SPATA17: variants seen among roughly 807,000 people sequenced by gnomAD.
SPATA17 encodes the protein spermatogenesis associated 17.
A neutral mutation model predicts 62.2 loss-of-function variants in SPATA17; 53 were observed. That is an observed-to-expected ratio of 0.85 (90% CI 0.68 to 1.07). SPATA17 has a LOEUF of 1.07. Ranked by LOEUF, SPATA17 falls within the 50% of genes least tolerant of loss-of-function variation. The pLI is 0.00. For missense variants in SPATA17, 466 were observed against 425.5 expected, an observed-to-expected ratio of 1.10 and a Z score of -0.84; for synonymous variants, 146 against 146.8, an observed-to-expected ratio of 0.99 and a Z score of 0.04.
intron 5 of SPATA17, 82 bp downstream of exon 5, chr1:217,683,443 A>AT: frequency 2.1e-6 from 2 of 959,794 alleles, no homozygotes; most frequent in South Asian, 2.8e-5. Flanking sequence ...ATAGTTAGAA[A>AT]TATTTTTTTG....
At chr1:217,843,498 C>T (rs1675458483) in intron 9 of SPATA17, among the ~76,000 whole-genome samples, 1 of 151,962 alleles carries the variant, frequency 6.6e-6, no homozygotes. Context: ...TATCATGAAG[C>T]TTTATTTAAA....
intron 9 of SPATA17, among the ~76,000 whole-genome samples, chr1:217,830,517 C>CA (rs1384728944): frequency 3.9e-5 from 6 of 151,994 alleles, no homozygotes; most frequent in Non-Finnish European, 7.4e-5. Context: ...TGTTCCAGTG[C>CA]AAAAAATTAT....
At chr1:217,840,550 A>G (rs755018597) in intron 9 of SPATA17, among the ~76,000 whole-genome samples, 8 of 131,476 alleles carry the variant, frequency 6.1e-5, no homozygotes, top group Non-Finnish European at 1.2e-4. Flanking sequence ...TCAGCTTCTA[A>G]GATTTTATAA....
rs533164102 is a variant in SPATA17, at chr1:217,760,518, G to T, written c.520-13816G>T. Among the ~76,000 whole-genome samples, 16 of 152,182 alleles carry T rather than the reference G, an allele frequency of 1.1e-4. No individual in the cohort carries two copies. In the East Asian group the frequency reaches 2.9e-3, roughly 28 times the overall value. On this transcript the variant is annotated intron_variant, in intron 6 of 10. Coordinates refer to ENST00000366933, the MANE Select transcript of SPATA17 (RefSeq NM_138796.4). ...GTGTTCTGAAAATCTTTAACATCTGGATACAAGATTGTGGCCAGTCAGATA... is the reference window on the plus strand; with the variant it reads ...GTGTTCTGAAAATCTTTAACATCTGTATACAAGATTGTGGCCAGTCAGATA...
chr1:217,664,255 T>A (rs1377473594), intron 3 of SPATA17, among the ~76,000 whole-genome samples: 1 of 151,296 alleles, frequency 6.6e-6, no homozygotes, highest in Non-Finnish European at 1.5e-5. Flanking sequence ...GAAGTTCCAA[T>A]GAAGTGTAAG....
chr1:217,726,299 T>G (rs1215042577), intron 5 of SPATA17, among the ~76,000 whole-genome samples: 1 of 152,232 alleles, frequency 6.6e-6, no homozygotes, highest in Non-Finnish European at 1.5e-5. Flanking sequence ...TAAACTGGCT[T>G]TTGTTTCATC....
chr1:217,772,118 TA>T (rs151066714), intron 6 of SPATA17, among the ~76,000 whole-genome samples: 8,976 of 147,366 alleles, frequency 0.061, 333 homozygotes, highest in African/African-American at 0.11. Context: ...ATATAACATT[TA>T]TTTTTTTCTT....
intron 7 of SPATA17, among the ~76,000 whole-genome samples, chr1:217,779,025 A>G (rs1673668441): frequency 6.6e-6 from 1 of 151,990 alleles, no homozygotes; most frequent in African/African-American, 2.4e-5. Flanking sequence ...TAATGTATGG[A>G]TGATGTATAG....
At chr1:217,683,212 TA>T (rs755432590) in intron 4 of SPATA17, 45 bp from the exon 5 acceptor site, 19 of 1,348,352 alleles carry the variant, frequency 1.4e-5, no homozygotes, top group South Asian at 2.7e-5. Context: ...ACATTTTTAA[TA>T]AAAGTGTTTA....
At chr1:217,804,095 A>C (rs1347197375) in intron 9 of SPATA17, among the ~76,000 whole-genome samples, 1 of 152,194 alleles carries the variant, frequency 6.6e-6, no homozygotes, top group Non-Finnish European at 1.5e-5. Context: ...TGAACAGCCA[A>C]AGCAATCTTG....
At chr1:217,855,286 T>C (rs1372056669) in intron 9 of SPATA17, among the ~76,000 whole-genome samples, 1 of 152,204 alleles carries the variant, frequency 6.6e-6, no homozygotes, top group East Asian at 1.9e-4. Flanking sequence ...TTGACACATC[T>C]TTGTATATGA....
chr1:217,641,636 T>C (rs1022126378), intron 1 of SPATA17, among the ~76,000 whole-genome samples: 1 of 152,110 alleles, frequency 6.6e-6, no homozygotes, highest in Non-Finnish European at 1.5e-5. Context: ...TACACATATA[T>C]ATTTAAGTTA....
intron 8 of SPATA17, among the ~76,000 whole-genome samples, chr1:217,789,161 T>C (rs1166864604): frequency 2.0e-5 from 3 of 152,192 alleles, no homozygotes; most frequent in African/African-American, 7.2e-5. Context: ...TCAACAGCTG[T>C]CTCTACATCT....
At chr1:217,675,584 G>T (rs1670929068) in intron 4 of SPATA17, among the ~76,000 whole-genome samples, 1 of 152,166 alleles carries the variant, frequency 6.6e-6, no homozygotes, top group Non-Finnish European at 1.5e-5. Flanking sequence ...GCCATGTCAT[G>T]TATTGCCAAA....
At chr1:217,721,416 C>G (rs942734888) in intron 5 of SPATA17, among the ~76,000 whole-genome samples, 3 of 152,104 alleles carry the variant, frequency 2.0e-5, no homozygotes, top group Non-Finnish European at 2.9e-5. Context: ...CCTAGGAGTT[C>G]TGCTGGCATC....
chr1:217,813,480 C>A (rs1173984516), intron 9 of SPATA17, among the ~76,000 whole-genome samples: 1 of 152,124 alleles, frequency 6.6e-6, no homozygotes, highest in Non-Finnish European at 1.5e-5. Context: ...AAGAATCTTT[C>A]CATACATGCT....
intron 9 of SPATA17, among the ~76,000 whole-genome samples, chr1:217,806,428 G>A (rs1226810322): frequency 6.6e-6 from 1 of 152,186 alleles, no homozygotes; most frequent in African/African-American, 2.4e-5. Context: ...GCCTCTTGCA[G>A]GAGTAGCAGC....
chr1:217,857,699 A>G (rs146782920), intron 9 of SPATA17, among the ~76,000 whole-genome samples: 11 of 152,036 alleles, frequency 7.2e-5, no homozygotes, highest in Non-Finnish European at 1.2e-4. Context: ...TCCCAAAACC[A>G]AAGTTCTCCT....
intron 8 of SPATA17, among the ~76,000 whole-genome samples, chr1:217,789,113 C>A (rs1031497610): frequency 6.6e-6 from 1 of 152,138 alleles, no homozygotes; most frequent in African/African-American, 2.4e-5. Context: ...TGTATTTTAA[C>A]TTATATAGGC....
Sources: gnomAD v4.1 joint callset for allele counts (sites outside exome capture counted in the v4.1 genomes callset) on GRCh38, gnomAD v4.1.1 for gene constraint, MANE v1.5 for transcripts, NCBI Gene and HGNC (gene_info 2026-07-23, HGNC 2026-07-21) for gene names.